Variants in METTL15 observed in about 807,000 individuals in gnomAD.
METTL15 encodes the protein methyltransferase 15, mitochondrial 12S rRNA N4-cytidine, also known as 12S rRNA N(4)-cytidine methyltransferase METTL15.
A neutral mutation model predicts 38.3 loss-of-function variants in METTL15; 34 were observed. The observed-to-expected ratio is 0.89, with a 90% CI of 0.68 to 1.18. METTL15 has a LOEUF of 1.18. Among genes scored for constraint, METTL15 ranks in the 50% most tolerant of loss-of-function variants. The probability of loss-of-function intolerance (pLI) is 0.00; values close to 1 mark genes in which losing one functional copy is unlikely to be tolerated. For missense variants in METTL15, 438 were observed against 498.4 expected (o/e 0.88, Z 1.15); for synonymous variants, 162 against 170.9 (o/e 0.95, Z 0.41).
In METTL15 at chr11:28,296,829, T is replaced by C; in HGVS notation, c.676T>C (p.Tyr226His). 3 of 1,613,572 alleles carry C rather than the reference T, an allele frequency of 1.9e-6. No individual in the cohort carries two copies. The highest frequency in any genetic ancestry group is 2.5e-6 in the Non-Finnish European group (3 of 1,179,694). The change falls in exon 6 of 7, where the codon TAC becomes CAC. Residue 226 changes from tyrosine (Y) to histidine (H), a missense_variant. Transcript: ENST00000407364. ...QQALASILRT[Y>H]GEEKHAKKIA... is the part of the protein sequence containing the mutation. ...GGCACTTGCATCTATCCTAAGAACA[T>C]ACGGGGAGGAGAAGCATGCCAAGAA...
chr11:28,305,564 T>G (rs757724209), intron 6 of METTL15, among the ~76,000 whole-genome samples: 38 of 152,152 alleles, frequency 2.5e-4, no homozygotes, highest in Non-Finnish European at 4.4e-4. Flanking sequence ...AATCTCATTT[T>G]ACACTCTGTG....
chr11:28,386,434 A>G (rs569723741), intron 5 of METTL15, among the ~76,000 whole-genome samples: 10 of 152,090 alleles, frequency 6.6e-5, no homozygotes, highest in African/African-American at 2.2e-4. Flanking sequence ...TCATACTTAC[A>G]TCAGAAAAAA....
chr11:28,130,661 A>C (rs1852727007), intron 3 of METTL15, among the ~76,000 whole-genome samples: 1 of 152,166 alleles, frequency 6.6e-6, no homozygotes, highest in Non-Finnish European at 1.5e-5. Flanking sequence ...AGTATGAGAC[A>C]TTGTGTCAGT....
chr11:28,247,495 C>T (rs926159512), intron 4 of METTL15, among the ~76,000 whole-genome samples: 13 of 152,062 alleles, frequency 8.5e-5, no homozygotes, highest in African/African-American at 2.9e-4. Flanking sequence ...GCATTTATGC[C>T]TTTCACTGGT....
intron 3 of METTL15, among the ~76,000 whole-genome samples, chr11:28,183,878 C>T (rs1048872829): frequency 3.3e-5 from 5 of 152,008 alleles, no homozygotes; most frequent in East Asian, 3.9e-4. Flanking sequence ...GCTGTGAATT[C>T]GTCTGGTTCT....
chr11:28,308,933 T>TAGGC (rs1555031605), intron 6 of METTL15, among the ~76,000 whole-genome samples: 11 of 151,742 alleles, frequency 7.2e-5, no homozygotes, highest in Non-Finnish European at 1.5e-4. Context: ...GATAGATAGA[T>TAGGC]AGGCAGGCAG....
At chr11:28,388,424 C>G (rs1375196045) in intron 5 of METTL15, among the ~76,000 whole-genome samples, 2 of 151,742 alleles carry the variant, frequency 1.3e-5, no homozygotes, top group African/African-American at 2.4e-5. Context: ...CAGAACAAGG[C>G]AAAAAGGAAA....
intron 5 of METTL15, among the ~76,000 whole-genome samples, chr11:28,424,077 C>T (rs1850844836): frequency 6.6e-6 from 1 of 152,012 alleles, no homozygotes; most frequent in South Asian, 2.1e-4. Context: ...TTTTAGAGCC[C>T]TTTATACTGT....
chr11:28,125,648 A>C (rs1852446216), intron 3 of METTL15: 1 of 152,124 alleles, frequency 6.6e-6, no homozygotes. Flanking sequence ...AAAGGGAATT[A>C]GAATAATTTA....
At chr11:28,130,822 G>A (rs760612917) in intron 3 of METTL15, among the ~76,000 whole-genome samples, 3 of 152,110 alleles carry the variant, frequency 2.0e-5, no homozygotes, top group African/African-American at 4.8e-5. Context: ...TTTGATTTAT[G>A]CAATAGTTAC....
chr11:28,450,912 C>T (rs1383841763), intron 6 of METTL15, among the ~76,000 whole-genome samples: 1 of 152,092 alleles, frequency 6.6e-6, no homozygotes, highest in Non-Finnish European at 1.5e-5. Flanking sequence ...TCTATATAAT[C>T]CTTGTGAGGG....
chr11:28,438,707 C>A (rs1851006022), intron 6 of METTL15, among the ~76,000 whole-genome samples: 1 of 140,616 alleles, frequency 7.1e-6, no homozygotes, highest in African/African-American at 2.7e-5. Flanking sequence ...CAGAGTCTCG[C>A]TCTGTCGCAC....
chr11:28,205,157 C>T (rs1852272996), intron 3 of METTL15, among the ~76,000 whole-genome samples: 1 of 151,424 alleles, frequency 6.6e-6, no homozygotes, highest in South Asian at 2.1e-4. Context: ...GCACAATGTG[C>T]AGGTTAGTTA....
chr11:28,352,480 A>G (rs1850050295), intron 4 of METTL15, among the ~76,000 whole-genome samples: 1 of 152,208 alleles, frequency 6.6e-6, no homozygotes, highest in Non-Finnish European at 1.5e-5. Flanking sequence ...GCTTAGAAGT[A>G]TCATAAACTT....
At chr11:28,512,597 G>A (rs374706251) in intron 6 of METTL15, among the ~76,000 whole-genome samples, 21 of 152,314 alleles carry the variant, frequency 1.4e-4, no homozygotes, top group African/African-American at 4.3e-4. Flanking sequence ...TCATTGCCTG[G>A]GGCTGGCAGG....
intron 5 of METTL15, among the ~76,000 whole-genome samples, chr11:28,293,358 A>C (rs1298393113): frequency 2.0e-5 from 3 of 152,154 alleles, no homozygotes; most frequent in Non-Finnish European, 4.4e-5. Flanking sequence ...CAAAGATCAG[A>C]TAGTTGTAGA....
intron 6 of METTL15, among the ~76,000 whole-genome samples, chr11:28,495,917 C>T (rs1851532096): frequency 6.6e-6 from 1 of 152,166 alleles, no homozygotes; most frequent in Non-Finnish European, 1.5e-5. Flanking sequence ...CACTTTCTTT[C>T]CTTTGGACCC....
chr11:28,122,371 G>A (rs7104811), intron 3 of METTL15, among the ~76,000 whole-genome samples: 320 of 77,658 alleles, frequency 4.1e-3, no homozygotes, highest in African/African-American at 5.3e-3. Flanking sequence ...GTGTGTGTGT[G>A]TATATATATA....
At position 28,330,430 on chromosome 11, in the gene METTL15, A is replaced by C; in HGVS notation, c.813A>C (p.Lys271Asn). 6.5e-7 allele frequency: 1 copy of C among 1,549,560 alleles called. No homozygotes were observed. The highest frequency in any genetic ancestry group is 2.4e-5 in the East Asian group (1 of 40,908). Residue 271 changes from lysine to asparagine, a missense_variant, in exon 7 of 7, where the codon AAA (lysine) becomes AAC (asparagine). Transcript: ENST00000407364. Reference sequence around the variant, plus strand: ...CTCCCTCTGCTATTTATACACGGAAAGACTTACTACAGCGATCTACCCATA... The same window carrying C: ...CTCCCTCTGCTATTTATACACGGAACGACTTACTACAGCGATCTACCCATA... ...AFPPSAIYTR[K>N]DLLQRSTHIA...
Sources: allele counts gnomAD v4.1 joint callset (sites outside exome capture counted in the v4.1 genomes callset), GRCh38; gene constraint gnomAD v4.1.1; transcripts MANE v1.5; gene names NCBI Gene and HGNC (gene_info 2026-07-23, HGNC 2026-07-21).